GNG2: variants seen among roughly 807,000 people sequenced by gnomAD.
The protein encoded by GNG2 is guanine nucleotide-binding protein G(I)/G(S)/G(O) subunit gamma-2.
GNG2 carries 5 observed loss-of-function variants against 5.5 expected under a neutral mutation model. That is an observed-to-expected ratio of 0.91 (90% CI 0.48 to 1.92). GNG2 has a LOEUF of 1.92. Ranked by LOEUF, GNG2 falls within the 30% of genes most tolerant of loss-of-function variation. The pLI is 0.01. For missense variants in GNG2, 55 were observed against 88.4 expected (o/e 0.62, Z 1.52); for synonymous variants, 28 against 32.0 (o/e 0.88, Z 0.42).
At chr14:51,917,449 C>G in intron 2 of GNG2, 1 of 456,018 alleles carries the variant, frequency 2.2e-6, no homozygotes. Flanking sequence ...GACGTAGCAT[C>G]CTCCAGGGAG....
chr14:51,857,630 A>C (rs10129974), upstream of GNG2, among the ~76,000 whole-genome samples: 2,422 of 152,250 alleles, frequency 0.016, 53 homozygotes, highest in African/African-American at 0.055. Flanking sequence ...CACAGAAAAA[A>C]CCAAAGCATT....
At chr14:51,883,031 AAAAG>A (rs1419568396) in intron 2 of GNG2, among the ~76,000 whole-genome samples, 1 of 151,780 alleles carries the variant, frequency 6.6e-6, no homozygotes, top group Non-Finnish European at 1.5e-5. Flanking sequence ...AAGAAAAAAA[AAAAG>A]AAAAAAAAGA....
intron 2 of GNG2, among the ~76,000 whole-genome samples, chr14:51,893,044 G>A (rs1370175377): frequency 6.6e-6 from 1 of 152,194 alleles, no homozygotes; most frequent in Non-Finnish European, 1.5e-5. Flanking sequence ...CCTGTGGAGT[G>A]ATATTAGTTT....
chr14:51,869,158 G>A (rs188835477), intron 1 of GNG2, among the ~76,000 whole-genome samples: 1 of 152,182 alleles, frequency 6.6e-6, no homozygotes, highest in South Asian at 2.1e-4. Context: ...ATGAACATTT[G>A]TTAGGCATTC....
chr14:51,892,176 A>G (rs12882906), intron 2 of GNG2, among the ~76,000 whole-genome samples: 73,605 of 151,836 alleles, frequency 0.48, 18,035 homozygotes, highest in African/African-American at 0.54. Flanking sequence ...ATTTTTAACC[A>G]TCTTGGTGAA....
rs138654194 is a variant in GNG2 at position 51,961,791 on chromosome 14, G to A, written c.88-4768G>A. ...GACACTCTGAGGCAAAAAAGAACTT[G>A]GAGCTTTCAAAAAGTAAAGGAGATA... On this transcript the variant is annotated intron_variant, in intron 3 of 3. Transcript: ENST00000556766. Among the ~76,000 whole-genome samples, 543 of 152,240 alleles carry A rather than the reference G, an allele frequency of 3.6e-3. 3 individuals are homozygous for A. Among genetic ancestry groups the A allele is most frequent in the Admixed American group, 8.2e-3 (125 of 15,282 alleles).
chr14:51,842,833 T>A (rs745996093), intron 2 of GNG2, among the ~76,000 whole-genome samples: 29 of 151,942 alleles, frequency 1.9e-4, no homozygotes, highest in Non-Finnish European at 3.8e-4. Context: ...CCCAGCTAAT[T>A]TTTGTATTTT....
chr14:51,900,510 G>T (rs981927481), intron 2 of GNG2, among the ~76,000 whole-genome samples: 4 of 149,972 alleles, frequency 2.7e-5, no homozygotes, highest in Admixed American at 6.7e-5. Context: ...TAAGCTTTGG[G>T]GTTATTTTTT....
At chr14:51,856,152 T>C (rs923574304), upstream of GNG2, among the ~76,000 whole-genome samples, 1 of 151,932 alleles carries the variant, frequency 6.6e-6, no homozygotes, top group Non-Finnish European at 1.5e-5. Context: ...CACTACACCC[T>C]GGGTAACAGA....
chr14:51,890,499 A>G (rs1226418488), intron 2 of GNG2, among the ~76,000 whole-genome samples: 3 of 152,122 alleles, frequency 2.0e-5, no homozygotes, highest in Admixed American at 6.5e-5. Context: ...TTGGCAAATT[A>G]TTTTCCCAAG....
chr14:51,945,461 C>G (rs1888587288), intron 2 of GNG2, among the ~76,000 whole-genome samples: 1 of 152,116 alleles, frequency 6.6e-6, no homozygotes, highest in African/African-American at 2.4e-5. Flanking sequence ...GATTCCACTT[C>G]TATGAGATAC....
intron 1 of GNG2, among the ~76,000 whole-genome samples, chr14:51,869,939 C>A (rs143110375): frequency 6.6e-6 from 1 of 152,138 alleles, no homozygotes; most frequent in Non-Finnish European, 1.5e-5. Flanking sequence ...AGTTTCCTCC[C>A]GAGGCCATGG....
intron 2 of GNG2, among the ~76,000 whole-genome samples, chr14:51,927,864 G>A (rs898067333): frequency 5.3e-5 from 8 of 151,940 alleles, no homozygotes; most frequent in South Asian, 4.2e-4. Context: ...GTGGTTTGTT[G>A]TTGTTGTTGT....
chr14:51,841,656 A>G (rs1383785359), intron 2 of GNG2: 1 of 658,142 alleles, frequency 1.5e-6, no homozygotes, highest in Non-Finnish European at 2.8e-6. Context: ...ATTAAGGCAC[A>G]TGAAAAGGGA....
rs78443642 is a variant in GNG2 at position 51,888,261 on chromosome 14, T to C, written c.-30+10604T>C. Among the ~76,000 whole-genome samples, 39 of 152,334 alleles carry C rather than the reference T, an allele frequency of 2.6e-4. 3 individuals carry two copies. In the East Asian group the frequency reaches 6.9e-3, roughly 27 times the overall value. ...TCTATTGTATTGGTATACCACAATA[T>C]GTTTATCTGCTTACCTATAGTAGCA... On this transcript the variant is annotated intron_variant, in intron 2 of 3. Coordinates refer to ENST00000556766, the MANE Select transcript of GNG2 (RefSeq NM_053064.5).
intron 2 of GNG2, chr14:51,827,904 G>A (rs1377349216): frequency 5.0e-6 from 3 of 605,764 alleles, no homozygotes; most frequent in Non-Finnish European, 8.8e-6. Context: ...AAAGAGCTTG[G>A]AGAGAGAGTC....
Position 51,950,630 on chromosome 14 carries a change from C to G in GNG2, c.-29-20C>G, listed in dbSNP as rs1202955029. The G allele has an allele frequency of 7.1e-7, 1 of 1,411,738 alleles. No homozygotes were observed. The highest frequency in any genetic ancestry group is 1.8e-5 in the Admixed American group (1 of 55,784). The allele number at this position is 1,411,738 out of a possible 1,614,324, so 87.5% of individuals were successfully genotyped here. On this transcript the variant is annotated intron_variant, in intron 2 of 3. Transcript: ENST00000556766. The stretch of plus-strand genomic sequence containing the variant: ...CTCATGAATTCTCTGGTACAATCTT[C>G]TTTTTGTTTTCTTTTCTAGTGTTTC...
At chr14:51,826,449 C>T (rs1881031976) in intron 1 of GNG2, among the ~76,000 whole-genome samples, 1 of 152,122 alleles carries the variant, frequency 6.6e-6, no homozygotes, top group Non-Finnish European at 1.5e-5. Flanking sequence ...AAGTCAGTTT[C>T]CATCAGGGAC....
At chr14:51,837,729 A>G (rs1336407734) in intron 2 of GNG2, among the ~76,000 whole-genome samples, 2 of 152,184 alleles carry the variant, frequency 1.3e-5, no homozygotes, top group Non-Finnish European at 2.9e-5. Context: ...TGAGGGAACC[A>G]GCAGGCAGTT....
Sources: allele counts gnomAD v4.1 joint callset (sites outside exome capture counted in the v4.1 genomes callset), GRCh38; gene constraint gnomAD v4.1.1; transcripts MANE v1.5; gene names NCBI Gene and HGNC (gene_info 2026-07-23, HGNC 2026-07-21).